The following CAMSAP1 variants were observed in gnomAD, a reference collection of about 807,000 sequenced individuals.
CAMSAP1 encodes calmodulin regulated spectrin associated protein 1.
Under a neutral mutation model 143.5 loss-of-function variants are expected in CAMSAP1, and 58 were observed. That is an observed-to-expected ratio of 0.40 (90% CI 0.33 to 0.50). The LOEUF (loss-of-function observed/expected upper bound fraction) is 0.50. Among genes scored for constraint, CAMSAP1 ranks in the 20% least tolerant of loss-of-function variants. The pLI is 0.45. For missense variants in CAMSAP1, 1,969 were observed against 2,115.7 expected (o/e 0.93, Z 1.36); for synonymous variants, 945 against 859.3 (o/e 1.10, Z -1.74).
intron 16 of CAMSAP1, among the ~76,000 whole-genome samples, chr9:135,813,284 C>T (rs555081930): frequency 2.6e-5 from 4 of 152,314 alleles, no homozygotes; most frequent in South Asian, 2.1e-4. Context: ...AGGGCCCGAG[C>T]GGCTGAGATG....
At chr9:135,817,920 C>A in intron 14 of CAMSAP1, 57 bp downstream of exon 14, 1 of 1,427,414 alleles carries the variant, frequency 7.0e-7, no homozygotes, top group Non-Finnish European at 9.8e-7. Flanking sequence ...GGAAGTCCCA[C>A]CCTGCCCCTC....
At position 135,810,857 on chromosome 9, in the gene CAMSAP1, T is replaced by C. The variant is rs139031964; in HGVS notation, c.*452A>G. 10 of 178,862 alleles carry C rather than the reference T, an allele frequency of 5.6e-5. No individual in the cohort carries two copies. Among genetic ancestry groups the C allele is most frequent in the South Asian group, 1.4e-4 (1 of 7,272 alleles). The allele number at this position is 178,862 out of a possible 1,614,324, so 11.1% of individuals were successfully genotyped here. A position where few individuals can be genotyped will look rare whatever the true frequency, so the allele number is the denominator to read the frequency against. ...AAGCCAAGATTGAGCCTCAGTCCCA[T>C]AGTCACGAGATTACAGCTGGCCAAT... is the stretch of plus-strand genomic sequence containing the variant. On this transcript the variant is annotated 3_prime_UTR_variant, in exon 17 of 17. Transcript: ENST00000389532.
At chr9:135,852,019 C>T (rs1008929792) in intron 5 of CAMSAP1, among the ~76,000 whole-genome samples, 1 of 152,288 alleles carries the variant, frequency 6.6e-6, no homozygotes, top group African/African-American at 2.4e-5. Context: ...CCACCTGCAC[C>T]GCAGCATGAC....
At chr9:135,851,265 C>G (rs2130905691) in intron 5 of CAMSAP1, among the ~76,000 whole-genome samples, 1 of 152,268 alleles carries the variant, frequency 6.6e-6, no homozygotes, top group East Asian at 1.9e-4. Flanking sequence ...TCAGAAATAA[C>G]TTTTTACATA....
intron 1 of CAMSAP1, among the ~76,000 whole-genome samples, chr9:135,899,310 C>G (rs1226738513): frequency 6.6e-6 from 1 of 151,686 alleles, no homozygotes; most frequent in African/African-American, 2.4e-5. Context: ...CCAAAATGGC[C>G]GGGCGCGGTG....
rs779269888 is a variant in CAMSAP1, at chr9:135,821,113, G to A, written c.3548C>T (p.Ser1183Phe). The A allele has an allele frequency of 3.7e-6, 6 of 1,613,712 alleles. No homozygotes were observed. The highest frequency in any genetic ancestry group is 2.2e-5 in the South Asian group (2 of 91,082). The change falls in exon 11 of 17, where the codon TCC becomes TTC. Residue 1183 changes from serine (S) to phenylalanine (F), a missense_variant. Around this residue, in one of 4 missense-constraint regions of CAMSAP1, gnomAD observed 1,390 missense variants for 1,420.8 expected, o/e 0.98. Coordinates refer to ENST00000389532, the MANE Select transcript of CAMSAP1 (RefSeq NM_015447.4). This position sits in a 1 kb window ranked among gnomAD's most constrained non-coding sequence, Gnocchi z 4.6. ...AAGAATGTTGGCATCTTTGGAAGAG[G>A]ACAGAGTAAGTGTCCGCTGATTGCT... ...DESNQRTLTL[S>F]SSKDANILSE...
chr9:135,881,806 G>A lies in CAMSAP1; in HGVS notation c.424-12C>T, dbSNP rs1478972847. ...GCCATGTGGGCACTCTAGGGGCAGA[G>A]GCAGCAGCTATAATCCCTCAAACCC... On this transcript the variant is annotated splice_polypyrimidine_tract_variant and intron_variant, in intron 2 of 16. Transcript: ENST00000389532. 2 of 1,551,684 alleles carry A rather than the reference G, an allele frequency of 1.3e-6. No individual in the cohort carries two copies. The highest frequency in any genetic ancestry group is 2.0e-5 in the Admixed American group (1 of 50,990).
chr9:135,892,470 A>C (rs552503375), intron 1 of CAMSAP1, among the ~76,000 whole-genome samples: 29 of 152,264 alleles, frequency 1.9e-4, no homozygotes, highest in Admixed American at 1.4e-3. Flanking sequence ...TTGGAAAGCT[A>C]AGTCAGGTGC....
intron 14 of CAMSAP1, among the ~76,000 whole-genome samples, chr9:135,816,882 C>T (rs1393146948): frequency 6.6e-6 from 1 of 152,184 alleles, no homozygotes; most frequent in Non-Finnish European, 1.5e-5. Context: ...GGGACAGTTC[C>T]GTGAGGTCCA....
At chr9:135,844,208 A>C (rs1836468452) in intron 7 of CAMSAP1, among the ~76,000 whole-genome samples, 1 of 152,130 alleles carries the variant, frequency 6.6e-6, no homozygotes, top group African/African-American at 2.4e-5. Context: ...GAAGTAAAAC[A>C]CTCCTCAGCA....
chr9:135,824,711 T>C lies in CAMSAP1; in HGVS notation c.1315+78A>G. 9.2e-7 allele frequency: 1 copy of C among 1,083,430 alleles called. No individual in the cohort carries two copies. Among genetic ancestry groups the C allele is most frequent in the Non-Finnish European group, 1.3e-6 (1 of 762,198 alleles). 67.1% of individuals were successfully genotyped at this position (1,083,430 alleles called of 1,614,324 possible). ...AAAATCACTACATCAGATAAAATGATTTAATTTTGAGAAATATGATTTTAC... is the reference window on the plus strand; with the variant it reads ...AAAATCACTACATCAGATAAAATGACTTAATTTTGAGAAATATGATTTTAC... On this transcript the variant is annotated intron_variant, in intron 9 of 16. Coordinates refer to ENST00000389532, the MANE Select transcript of CAMSAP1 (RefSeq NM_015447.4). This position sits in a 1 kb window ranked among gnomAD's most constrained non-coding sequence, Gnocchi z 4.1.
In CAMSAP1 at chr9:135,824,611, GCCGAGA is replaced by G. The variant is rs1835605365; in HGVS notation, c.1315+172_1315+177del. Among the ~76,000 whole-genome samples the G allele has an allele frequency of 6.6e-6, 1 of 152,172 alleles. No homozygotes were observed. The highest frequency in any genetic ancestry group is 2.4e-5 in the African/African-American group (1 of 41,432). ...ACCAGGGAGTCAGAGGCTGCAGTGA[GCCGAGA>G]TCGCGCCACAGCACTTCAGCCTGGT... On this transcript the variant is annotated intron_variant, in intron 9 of 16. Transcript: ENST00000389532. The surrounding 1 kb of genome is among the most constrained non-coding windows in gnomAD (Gnocchi z 4.1).
chr9:135,849,117 T>G (rs1450600141), intron 7 of CAMSAP1, among the ~76,000 whole-genome samples: 7 of 152,180 alleles, frequency 4.6e-5, no homozygotes, highest in African/African-American at 1.7e-4. Flanking sequence ...TATCAGTAAG[T>G]AGAAAACACA....
In CAMSAP1 at chr9:135,825,501, AG is replaced by A. The variant is rs1010987283; in HGVS notation, c.1224-622del. ...ATAGCTTAAGAGAAAGAACGATGAG[AG>A]GTGCACACAGAAGCATGGGTGTGAA... On this transcript the variant is annotated intron_variant, in intron 8 of 16. Coordinates refer to ENST00000389532, the MANE Select transcript of CAMSAP1 (RefSeq NM_015447.4). Among the ~76,000 whole-genome samples the A allele has an allele frequency of 2.0e-5, 3 of 152,148 alleles. 1 individual carries two copies. Among genetic ancestry groups the A allele is most frequent in the African/African-American group, 7.2e-5 (3 of 41,428 alleles).
At chr9:135,868,822 T>C (rs1211566819) in intron 3 of CAMSAP1, among the ~76,000 whole-genome samples, 1 of 152,004 alleles carries the variant, frequency 6.6e-6, no homozygotes, top group Admixed American at 6.6e-5. Flanking sequence ...TTCACCGTGT[T>C]AGCCAGGATG....
Position 135,837,685 on chromosome 9 carries a change from A to G in CAMSAP1, c.1046-10101T>C, listed in dbSNP as rs549198170. Among the ~76,000 whole-genome samples the G allele has an allele frequency of 2.9e-3, 351 of 122,040 alleles. 1 individual carries two copies. The highest frequency in any genetic ancestry group is 9.9e-3 in the African/African-American group (309 of 31,234). The allele number at this position is 122,040 out of a possible 152,430, so 80.1% of individuals were successfully genotyped here. A position where few individuals can be genotyped will look rare whatever the true frequency, so the allele number is the denominator to read the frequency against. The stretch of plus-strand genomic sequence containing the variant: ...ACACGTCATCACGCACTTTCTACCC[A>G]TTCTAGAGACACACGTCACCACGCA... On this transcript the variant is annotated intron_variant, in intron 7 of 16. Transcript: ENST00000389532.
chr9:135,895,032 G>T (rs571185493), intron 1 of CAMSAP1, among the ~76,000 whole-genome samples: 73 of 152,310 alleles, frequency 4.8e-4, no homozygotes, highest in Admixed American at 1.4e-3. Context: ...CTTGAGGTCA[G>T]ATCAAGAGAA....
chr9:135,871,552 C>T (rs1837571129), intron 3 of CAMSAP1, among the ~76,000 whole-genome samples: 1 of 152,136 alleles, frequency 6.6e-6, no homozygotes, highest in Admixed American at 6.5e-5. Context: ...ATGAAATCAA[C>T]TTACTGTTAT....
At chr9:135,893,038 A>G (rs538233804) in intron 1 of CAMSAP1, among the ~76,000 whole-genome samples, 1 of 151,776 alleles carries the variant, frequency 6.6e-6, no homozygotes, top group East Asian at 1.9e-4. Context: ...GGCAAAGTAG[A>G]ACCTGCCTGT....
Sources: gnomAD v4.1 joint callset for allele counts (sites outside exome capture counted in the v4.1 genomes callset) on GRCh38, gnomAD v4.1.1 for gene constraint, gnomAD v4.1.1 regional missense constraint, Gnocchi (gnomAD v3.1) non-coding constraint, MANE v1.5 for transcripts, NCBI Gene and HGNC (gene_info 2026-07-23, HGNC 2026-07-21) for gene names.